The following DSCAM variants were observed in gnomAD, a reference collection of about 807,000 sequenced individuals.
DSCAM encodes the protein DS cell adhesion molecule, also known as cell adhesion molecule DSCAM.
Under a neutral mutation model 217.7 loss-of-function variants are expected in DSCAM, and 47 were observed. The observed-to-expected ratio is 0.22, with a 90% CI of 0.17 to 0.28. DSCAM has a LOEUF of 0.28. DSCAM is among the 10% of genes least tolerant of loss of function. The pLI is 1.00. For synonymous variants in DSCAM, 1,056 were observed against 1,015.3 expected (o/e 1.04, Z -0.76); for missense variants, 2,080 against 2,618.3 (o/e 0.79, Z 4.49).
chr21:40,624,708 A>G (rs1213558100), intron 3 of DSCAM, among the ~76,000 whole-genome samples: 2 of 152,222 alleles, frequency 1.3e-5, no homozygotes, highest in Non-Finnish European at 1.5e-5. Context: ...GTCAGGCCAA[A>G]AAAGAAAAAA....
intron 11 of DSCAM, among the ~76,000 whole-genome samples, chr21:40,252,394 A>G (rs1158656879): frequency 6.6e-6 from 1 of 152,184 alleles, no homozygotes; most frequent in African/African-American, 2.4e-5. Flanking sequence ...GCCCATAGAT[A>G]TAAACAGCAT....
At chr21:40,083,319 C>T (rs944234205) in intron 24 of DSCAM, among the ~76,000 whole-genome samples, 2 of 152,214 alleles carry the variant, frequency 1.3e-5, no homozygotes, top group African/African-American at 4.8e-5. Context: ...ATCCCAGCTA[C>T]TTGGGAGGTT....
intron 1 of DSCAM, among the ~76,000 whole-genome samples, chr21:40,718,265 C>T (rs567629812): frequency 6.6e-6 from 1 of 152,272 alleles, no homozygotes; most frequent in African/African-American, 2.4e-5. Context: ...GAGTCCAAGA[C>T]CCTAGAGACA....
chr21:40,356,169 G>A (rs2074690446), intron 4 of DSCAM, among the ~76,000 whole-genome samples: 1 of 152,022 alleles, frequency 6.6e-6, no homozygotes, highest in Non-Finnish European at 1.5e-5. Flanking sequence ...TAGATCATAT[G>A]GTAGGTAAAA....
rs1177035528 is a variant in DSCAM at position 40,508,841 on chromosome 21, T to C, written c.509-139596A>G. On this transcript the variant is annotated intron_variant, in intron 3 of 32. Transcript: ENST00000400454. Reference sequence around the variant, plus strand: ...TTTATAGAGACAAGGTCTCTTTATGTTGCCCAGGCTGGTCTCAAACTTCTG... The same window carrying C: ...TTTATAGAGACAAGGTCTCTTTATGCTGCCCAGGCTGGTCTCAAACTTCTG... Among the ~76,000 whole-genome samples, 8 of 143,672 alleles carry C rather than the reference T, an allele frequency of 5.6e-5. No individual in the cohort carries two copies. The Admixed American group carries it at 5.7e-4, about 10-fold the overall frequency. The allele number at this position is 143,672 out of a possible 152,430, so 94.3% of individuals were successfully genotyped here.
chr21:40,175,379 G>T (rs773791372), intron 15 of DSCAM, among the ~76,000 whole-genome samples: 18 of 152,134 alleles, frequency 1.2e-4, no homozygotes, highest in Non-Finnish European at 2.2e-4. Context: ...CTCCCAAAGT[G>T]TTGGGATTAT....
At chr21:40,547,611 G>A (rs770747717) in intron 3 of DSCAM, among the ~76,000 whole-genome samples, 10 of 152,160 alleles carry the variant, frequency 6.6e-5, no homozygotes, top group Non-Finnish European at 1.3e-4. Flanking sequence ...CAGGAGGAAG[G>A]CATGCCCTCC....
At chr21:40,840,209 T>C (rs2092088733) in intron 1 of DSCAM, among the ~76,000 whole-genome samples, 1 of 152,208 alleles carries the variant, frequency 6.6e-6, no homozygotes, top group South Asian at 2.1e-4. Context: ...TATTTGAATC[T>C]GCAAAATAAG....
chr21:40,432,080 G>A (rs918965055), intron 3 of DSCAM, among the ~76,000 whole-genome samples: 5 of 152,086 alleles, frequency 3.3e-5, no homozygotes, highest in African/African-American at 1.2e-4. Flanking sequence ...GTGGGTGCCT[G>A]TAATTTCAGC....
chr21:40,152,114 TG>T (rs1300573893), intron 16 of DSCAM, among the ~76,000 whole-genome samples: 14 of 116,324 alleles, frequency 1.2e-4, no homozygotes, highest in African/African-American at 6.8e-4. Flanking sequence ...CGTAAGCATA[TG>T]GAAAAAAAAA....
chr21:40,398,518 C>T (rs1200801950), intron 3 of DSCAM, among the ~76,000 whole-genome samples: 1 of 151,524 alleles, frequency 6.6e-6, no homozygotes, highest in Non-Finnish European at 1.5e-5. Context: ...TAAAATTAGC[C>T]TCTAGGGCTC....
At position 40,170,745 on chromosome 21, in the gene DSCAM, T is replaced by G. The variant is rs570428004; in HGVS notation, c.2948-3457A>C. Reference sequence around the variant, plus strand: ...AAATCCTTGAAAAATGATTTTTGAGTCTGACAGCTATACTGAGGCTGGGTT... The same window carrying G: ...AAATCCTTGAAAAATGATTTTTGAGGCTGACAGCTATACTGAGGCTGGGTT... On this transcript the variant is annotated intron_variant, in intron 15 of 32. Coordinates refer to ENST00000400454, the MANE Select transcript of DSCAM (RefSeq NM_001389.5). Among the ~76,000 whole-genome samples, 256 of 152,320 alleles carry G rather than the reference T, an allele frequency of 1.7e-3. 1 individual carries two copies. Among genetic ancestry groups the G allele is most frequent in the Non-Finnish European group, 3.1e-3 (211 of 68,026 alleles).
At chr21:40,244,764 A>C (rs2073200251) in intron 11 of DSCAM, among the ~76,000 whole-genome samples, 1 of 152,154 alleles carries the variant, frequency 6.6e-6, no homozygotes. Flanking sequence ...AAGTAATCTG[A>C]TGTGCAGTTT....
chr21:40,450,786 T>C (rs1012015930), intron 3 of DSCAM, among the ~76,000 whole-genome samples: 3 of 152,224 alleles, frequency 2.0e-5, no homozygotes, highest in African/African-American at 7.2e-5. Flanking sequence ...GACATTACTA[T>C]ATCTCTGAAA....
chr21:40,755,586 GGAAGGTCTCCCCTACCCT>G (rs1229713546), intron 1 of DSCAM, among the ~76,000 whole-genome samples: 1 of 152,112 alleles, frequency 6.6e-6, no homozygotes, highest in African/African-American at 2.4e-5. Context: ...AAAAGGAAAG[GGAAGGTCTCCCCTACCCT>G]GAGAGGCCAC....
intron 9 of DSCAM, among the ~76,000 whole-genome samples, chr21:40,298,694 G>A (rs1017916082): frequency 7.2e-5 from 11 of 152,060 alleles, no homozygotes; most frequent in African/African-American, 1.5e-4. Flanking sequence ...ATTATTCTCT[G>A]CAGGGTGGAA....
intron 8 of DSCAM, among the ~76,000 whole-genome samples, chr21:40,314,262 A>C (rs2074172157): frequency 6.6e-6 from 1 of 152,246 alleles, no homozygotes; most frequent in Admixed American, 6.5e-5. Flanking sequence ...AATTGCAAGT[A>C]CAGCCAGAGG....
intron 4 of DSCAM, among the ~76,000 whole-genome samples, chr21:40,366,490 C>T (rs1263815201): frequency 6.6e-6 from 1 of 151,980 alleles, no homozygotes; most frequent in Non-Finnish European, 1.5e-5. Context: ...TGTGTTGTTT[C>T]ATCATTTTAT....
At chr21:40,674,625 TC>T (rs1568977107) in intron 3 of DSCAM, among the ~76,000 whole-genome samples, 2,427 of 103,392 alleles carry the variant, frequency 0.023, 67 homozygotes, top group African/African-American at 0.071. Flanking sequence ...TTTTTCTTTT[TC>T]TTTTTCTTTT....
Sources: gnomAD v4.1 joint callset for allele counts (sites outside exome capture counted in the v4.1 genomes callset) on GRCh38, gnomAD v4.1.1 for gene constraint, MANE v1.5 for transcripts, NCBI Gene and HGNC (gene_info 2026-07-23, HGNC 2026-07-21) for gene names.